The following NUBPL variants were observed in gnomAD, a reference collection of about 807,000 sequenced individuals.
NUBPL encodes NUBP iron-sulfur cluster assembly factor, mitochondrial.
Under a neutral mutation model 45.7 loss-of-function variants are expected in NUBPL, and 31 were observed. That is an observed-to-expected ratio of 0.68 (90% CI 0.51 to 0.92). The LOEUF (loss-of-function observed/expected upper bound fraction) is 0.92. Ranked by LOEUF, NUBPL falls within the 40% of genes least tolerant of loss-of-function variation. NUBPL has a pLI of 0.00. For synonymous variants in NUBPL, 144 were observed against 140.9 expected (o/e 1.02, Z -0.15); for missense variants, 401 against 398.7 (o/e 1.01, Z -0.05).
intron 4 of NUBPL, among the ~76,000 whole-genome samples, chr14:31,661,267 T>C (rs1223547858): frequency 6.6e-6 from 1 of 152,218 alleles, no homozygotes; most frequent in East Asian, 1.9e-4. Flanking sequence ...AATAATGATC[T>C]GTATCATGAT....
chr14:31,682,094 G>T (rs982483558), intron 6 of NUBPL, among the ~76,000 whole-genome samples: 2 of 152,066 alleles, frequency 1.3e-5, no homozygotes, highest in African/African-American at 2.4e-5. Context: ...GATTTGTCTA[G>T]TTACTGTATA....
intron 3 of NUBPL, among the ~76,000 whole-genome samples, chr14:31,594,055 C>A (rs1269906243): frequency 6.6e-6 from 1 of 152,082 alleles, no homozygotes; most frequent in Non-Finnish European, 1.5e-5. Flanking sequence ...TTTCTTTTAT[C>A]ACTAAAAATT....
intron 7 of NUBPL, among the ~76,000 whole-genome samples, chr14:31,794,013 G>A (rs1488552729): frequency 1.1e-5 from 1 of 87,828 alleles, no homozygotes; most frequent in Non-Finnish European, 2.2e-5. Flanking sequence ...AGTTTACTGA[G>A]AATGATGGTT....
chr14:31,602,434 C>T (rs537865340), intron 4 of NUBPL, among the ~76,000 whole-genome samples: 2 of 149,106 alleles, frequency 1.3e-5, no homozygotes, highest in Non-Finnish European at 3.0e-5. Context: ...GAAGACTGTA[C>T]TTTGAGGAAT....
chr14:31,619,899 C>T (rs1406925105), intron 4 of NUBPL, among the ~76,000 whole-genome samples: 2 of 152,002 alleles, frequency 1.3e-5, no homozygotes, highest in South Asian at 2.1e-4. Context: ...TTCCATTTTC[C>T]CTGTCATGTT....
chr14:31,812,324 T>G (rs1237709581), intron 7 of NUBPL, among the ~76,000 whole-genome samples: 1 of 152,188 alleles, frequency 6.6e-6, no homozygotes, highest in Non-Finnish European at 1.5e-5. Flanking sequence ...GCCGCTTTGT[T>G]TACCTACTCA....
chr14:31,650,165 A>G (rs747185108), intron 4 of NUBPL, among the ~76,000 whole-genome samples: 3 of 152,194 alleles, frequency 2.0e-5, no homozygotes, highest in Non-Finnish European at 2.9e-5. Flanking sequence ...AATATTAGCC[A>G]TGTATACAGA....
At chr14:31,758,106 G>A (rs1310917247) in intron 6 of NUBPL, among the ~76,000 whole-genome samples, 1 of 152,080 alleles carries the variant, frequency 6.6e-6, no homozygotes, top group African/African-American at 2.4e-5. Flanking sequence ...ATGATTTGAT[G>A]TCTCCTTTTA....
intron 10 of NUBPL, among the ~76,000 whole-genome samples, chr14:31,853,834 T>C (rs1367077721): frequency 6.6e-6 from 1 of 152,162 alleles, no homozygotes; most frequent in East Asian, 1.9e-4. Flanking sequence ...AGGCGATATT[T>C]AGAATTCAGA....
At chr14:31,648,114 G>A (rs1285132081) in intron 4 of NUBPL, among the ~76,000 whole-genome samples, 1 of 152,168 alleles carries the variant, frequency 6.6e-6, no homozygotes, top group Non-Finnish European at 1.5e-5. Context: ...TCAGCAAAAT[G>A]AATTAGCTTT....
At chr14:31,613,761 G>T (rs1163379328) in intron 4 of NUBPL, among the ~76,000 whole-genome samples, 2 of 151,570 alleles carry the variant, frequency 1.3e-5, no homozygotes, top group African/African-American at 2.4e-5. Context: ...CGGCCTAATT[G>T]GATTGTTTAC....
In NUBPL at chr14:31,812,388, T is replaced by G. The variant is rs185322115; in HGVS notation, c.608-14241T>G. On this transcript the variant is annotated intron_variant, in intron 7 of 10. Transcript: ENST00000281081. ...CCAGCCAGGCTTGCCTCCTTGCAGT[T>G]GGATCTGGGACTAGCAGTGAACAAG... Among the ~76,000 whole-genome samples, 161 of 152,272 alleles carry G rather than the reference T, an allele frequency of 1.1e-3. 2 individuals are homozygous for G. The highest frequency in any genetic ancestry group is 2.9e-4 in the Non-Finnish European group (20 of 68,016).
chr14:31,564,994 A>C lies in NUBPL; in HGVS notation c.257-20A>C, dbSNP rs1300749904. 6.9e-7 allele frequency: 1 copy of C among 1,451,008 alleles called. No individual in the cohort carries two copies. The highest frequency in any genetic ancestry group is 9.6e-7 in the Non-Finnish European group (1 of 1,044,766). 89.9% of individuals were successfully genotyped at this position (1,451,008 alleles called of 1,614,324 possible). ...AGAAGGAAAGTTACTAAATTCAATT[A>C]CTTTTTTTGTTTCTTACAGTGAATC... On this transcript the variant is annotated intron_variant, in intron 2 of 10. Transcript: ENST00000281081.
intron 6 of NUBPL, among the ~76,000 whole-genome samples, chr14:31,720,452 G>A (rs4981889): frequency 1 from 151,680 of 152,346 alleles, 75,512 homozygotes; most frequent in Middle Eastern, 1. Context: ...AAGGACATTC[G>A]TATTTTGGTC....
At chr14:31,721,798 G>A (rs1437781325) in intron 6 of NUBPL, among the ~76,000 whole-genome samples, 1 of 151,868 alleles carries the variant, frequency 6.6e-6, no homozygotes, top group Non-Finnish European at 1.5e-5. Context: ...CCCAGTGTCT[G>A]TTGTTCCCCT....
chr14:31,847,798 A>G (rs956942974), intron 9 of NUBPL, among the ~76,000 whole-genome samples: 2 of 152,248 alleles, frequency 1.3e-5, no homozygotes, highest in African/African-American at 4.8e-5. Context: ...AGCAGCCACT[A>G]CAATACCAGG....
intron 6 of NUBPL, among the ~76,000 whole-genome samples, chr14:31,691,441 A>G (rs2037092126): frequency 6.6e-6 from 1 of 152,140 alleles, no homozygotes; most frequent in Non-Finnish European, 1.5e-5. Context: ...GTCAAAAGTT[A>G]TATGCATATT....
chr14:31,601,243 T>C (rs966508059), intron 4 of NUBPL, among the ~76,000 whole-genome samples: 3 of 152,212 alleles, frequency 2.0e-5, no homozygotes, highest in African/African-American at 7.2e-5. Flanking sequence ...GCAGGCTCTT[T>C]TTTGGTTCCA....
intron 7 of NUBPL, among the ~76,000 whole-genome samples, chr14:31,807,706 G>T (rs775171630): frequency 2.0e-5 from 3 of 152,196 alleles, no homozygotes; most frequent in Admixed American, 2.0e-4. Context: ...CTGTGCTTAT[G>T]TCCTCAATGG....
Sources: gnomAD v4.1 joint callset for allele counts (sites outside exome capture counted in the v4.1 genomes callset) on GRCh38, gnomAD v4.1.1 for gene constraint, MANE v1.5 for transcripts, NCBI Gene and HGNC (gene_info 2026-07-23, HGNC 2026-07-21) for gene names.